Variants in PARP8 observed in about 807,000 individuals in gnomAD.
PARP8 encodes poly(ADP-ribose) polymerase family member 8, also known as protein mono-ADP-ribosyltransferase PARP8.
A neutral mutation model predicts 124.1 loss-of-function variants in PARP8; 51 were observed. The observed-to-expected ratio is 0.41, with a 90% CI of 0.33 to 0.52. The LOEUF (loss-of-function observed/expected upper bound fraction) is 0.52, where lower values mean the gene tolerates loss of function less well. Among genes scored for constraint, PARP8 ranks in the 20% least tolerant of loss-of-function variants. The probability of loss-of-function intolerance (pLI) is 0.21; values close to 1 mark genes in which losing one functional copy is unlikely to be tolerated. For synonymous variants in PARP8, 391 were observed against 361.5 expected (o/e 1.08, Z -0.93); for missense variants, 860 against 1,018.9 (o/e 0.84, Z 2.12).
chr5:50,788,485 C>A (rs1440501238), intron 9 of PARP8, 38 bp from the exon 10 acceptor site: 2 of 1,583,560 alleles, frequency 1.3e-6, no homozygotes, highest in Admixed American at 3.4e-5. Flanking sequence ...GTTTCAGTTT[C>A]AAGTCAATAT....
intron 25 of PARP8, among the ~76,000 whole-genome samples, chr5:50,841,562 A>G (rs1382419663): frequency 6.6e-6 from 1 of 151,896 alleles, no homozygotes; most frequent in Admixed American, 6.6e-5. Flanking sequence ...GTCTTCAGTC[A>G]GAAAATAAAG....
In PARP8 at chr5:50,832,767, G is replaced by T. The variant is rs1580500619; in HGVS notation, c.2234-14G>T. The T allele has an allele frequency of 1.2e-6, 2 of 1,612,602 alleles. No homozygotes were observed. Among genetic ancestry groups the T allele is most frequent in the East Asian group, 4.5e-5 (2 of 44,782 alleles). ...AGCTTTGTCCCTAAATTATTATTTT[G>T]CCGATGTTTTCAGGGATGAACAAGA... On this transcript the variant is annotated splice_polypyrimidine_tract_variant and intron_variant, in intron 22 of 25. Coordinates refer to ENST00000281631, the MANE Select transcript of PARP8 (RefSeq NM_024615.4).
intron 2 of PARP8, among the ~76,000 whole-genome samples, chr5:50,727,074 C>T (rs1335472296): frequency 6.6e-6 from 1 of 152,082 alleles, no homozygotes; most frequent in Non-Finnish European, 1.5e-5. Context: ...GTGAGAAAAA[C>T]ACAGGCAATT....
chr5:50,768,042 CAGTT>C (rs1276841024), intron 7 of PARP8, among the ~76,000 whole-genome samples: 2 of 151,812 alleles, frequency 1.3e-5, no homozygotes, highest in African/African-American at 2.4e-5. Context: ...TGTTCCCTGA[CAGTT>C]AATAAGACAA....
intron 2 of PARP8, among the ~76,000 whole-genome samples, chr5:50,732,871 G>C (rs1757109497): frequency 6.6e-6 from 1 of 151,816 alleles, no homozygotes; most frequent in African/African-American, 2.4e-5. Flanking sequence ...GCCAGCCTTG[G>C]CCTCCCAAAG....
chr5:50,775,699 T>A (rs1313154267), intron 7 of PARP8, among the ~76,000 whole-genome samples: 1 of 152,232 alleles, frequency 6.6e-6, no homozygotes, highest in Non-Finnish European at 1.5e-5. Context: ...TTCAGATAGT[T>A]CATTATTGGT....
At chr5:50,694,518 A>G (rs991071096) in intron 2 of PARP8, among the ~76,000 whole-genome samples, 1 of 152,204 alleles carries the variant, frequency 6.6e-6, no homozygotes, top group Admixed American at 6.6e-5. Flanking sequence ...AAAGGGTTTC[A>G]GCCCTGCTTT....
At chr5:50,717,937 G>C (rs1403296860) in intron 2 of PARP8, among the ~76,000 whole-genome samples, 1 of 151,794 alleles carries the variant, frequency 6.6e-6, no homozygotes, top group Non-Finnish European at 1.5e-5. Flanking sequence ...AGTTTGATTG[G>C]TTTAAAAGGA....
chr5:50,739,740 T>A (rs1412166333), intron 2 of PARP8, among the ~76,000 whole-genome samples: 56 of 132,224 alleles, frequency 4.2e-4, no homozygotes, highest in African/African-American at 1.2e-3. Flanking sequence ...ATATTTTTTT[T>A]TTTTTTTTTT....
intron 7 of PARP8, among the ~76,000 whole-genome samples, chr5:50,766,464 A>G (rs1306944776): frequency 1.3e-5 from 2 of 152,244 alleles, no homozygotes; most frequent in African/African-American, 4.8e-5. Context: ...GGAATTACAG[A>G]TCAGAAAATT....
At chr5:50,776,237 A>G (rs889258718) in intron 7 of PARP8, among the ~76,000 whole-genome samples, 1 of 152,218 alleles carries the variant, frequency 6.6e-6, no homozygotes, top group African/African-American at 2.4e-5. Flanking sequence ...GATGAATCCT[A>G]CTTGCTCATC....
intron 2 of PARP8, among the ~76,000 whole-genome samples, chr5:50,733,251 G>A (rs1459778363): frequency 6.6e-6 from 1 of 151,260 alleles, no homozygotes; most frequent in African/African-American, 2.4e-5. Context: ...CCGAGATCGC[G>A]CCACACCGCA....
intron 3 of PARP8, among the ~76,000 whole-genome samples, chr5:50,759,014 T>G (rs1195849695): frequency 4.6e-5 from 7 of 152,190 alleles, no homozygotes; most frequent in Non-Finnish European, 8.8e-5. Flanking sequence ...TAGAGCAATA[T>G]GGAAGGTATG....
intron 4 of PARP8, 48 bp from the exon 5 acceptor site, chr5:50,760,244 T>C (rs1157278046): frequency 8.0e-6 from 11 of 1,368,716 alleles, no homozygotes; most frequent in Middle Eastern, 2.1e-4. Context: ...GCTTGGTAAA[T>C]AGCATACTAA....
chr5:50,806,212 T>A (rs1019976016), intron 14 of PARP8, among the ~76,000 whole-genome samples: 2 of 152,058 alleles, frequency 1.3e-5, no homozygotes, highest in Non-Finnish European at 2.9e-5. Context: ...AGTAATTTGT[T>A]CAGTGTTACT....
intron 14 of PARP8, among the ~76,000 whole-genome samples, chr5:50,814,346 T>C (rs1434970630): frequency 6.9e-6 from 1 of 144,872 alleles, no homozygotes. Context: ...GTTGTTGAAA[T>C]TGAACAGTTT....
intron 2 of PARP8, among the ~76,000 whole-genome samples, chr5:50,711,125 T>C (rs1754730079): frequency 6.6e-6 from 1 of 152,168 alleles, no homozygotes; most frequent in Admixed American, 6.6e-5. Context: ...AACACAATTA[T>C]GTTATTATGA....
chr5:50,747,909 A>T (rs1758787904), intron 2 of PARP8, among the ~76,000 whole-genome samples: 1 of 151,436 alleles, frequency 6.6e-6, no homozygotes, highest in African/African-American at 2.4e-5. Flanking sequence ...AATAGCTGGG[A>T]CTACAGGCGC....
intron 2 of PARP8, among the ~76,000 whole-genome samples, chr5:50,676,508 G>T (rs778880453): frequency 1.3e-5 from 2 of 152,166 alleles, no homozygotes; most frequent in South Asian, 2.1e-4. Context: ...TCTGGTACCT[G>T]ATTAGAAGTC....
Sources: allele counts gnomAD v4.1 joint callset (sites outside exome capture counted in the v4.1 genomes callset), GRCh38; gene constraint gnomAD v4.1.1; transcripts MANE v1.5; gene names NCBI Gene and HGNC (gene_info 2026-07-23, HGNC 2026-07-21).